GPHN: variants seen among roughly 807,000 people sequenced by gnomAD.
GPHN encodes the protein gephyrin.
A neutral mutation model predicts 95.5 loss-of-function variants in GPHN; 17 were observed. That is an observed-to-expected ratio of 0.18 (90% CI 0.12 to 0.27). GPHN has a LOEUF of 0.27. Ranked by LOEUF, GPHN falls within the 10% of genes least tolerant of loss-of-function variation. The pLI is 1.00. For synonymous variants in GPHN, 320 were observed against 322.5 expected (o/e 0.99, Z 0.08); for missense variants, 660 against 978.1 (o/e 0.67, Z 4.34).
chr14:67,047,450 C>G (rs1026775889), intron 10 of GPHN, among the ~76,000 whole-genome samples: 3 of 150,372 alleles, frequency 2.0e-5, no homozygotes, highest in Non-Finnish European at 4.4e-5. Flanking sequence ...ACTGCAACCT[C>G]TGCCTCCCGG....
At chr14:66,651,943 G>T (rs1243433731) in intron 1 of GPHN, among the ~76,000 whole-genome samples, 2 of 151,920 alleles carry the variant, frequency 1.3e-5, no homozygotes, top group African/African-American at 4.8e-5. Flanking sequence ...TGTAATAATA[G>T]AAATAAAGTA....
At chr14:66,628,625 T>G (rs1025107119) in intron 1 of GPHN, among the ~76,000 whole-genome samples, 6 of 152,280 alleles carry the variant, frequency 3.9e-5, no homozygotes, top group African/African-American at 1.2e-4. Context: ...AATGTATACT[T>G]AACTACACTA....
chr14:67,520,944 G>T, the GPHN span, among the ~76,000 whole-genome samples: 1 of 152,218 alleles, frequency 6.6e-6, no homozygotes, highest in African/African-American at 2.4e-5. Context: ...CAATGAATGG[G>T]AGTTCCTGTT....
chr14:67,457,556 G>C, the GPHN span, among the ~76,000 whole-genome samples: 1 of 152,186 alleles, frequency 6.6e-6, no homozygotes, highest in Non-Finnish European at 1.5e-5. Context: ...CAGTGAGCTA[G>C]GATGGCACCA....
chr14:66,806,409 G>T (rs1445530045), intron 3 of GPHN, among the ~76,000 whole-genome samples: 1 of 152,196 alleles, frequency 6.6e-6, no homozygotes, highest in African/African-American at 2.4e-5. Flanking sequence ...TGTTACTCAT[G>T]CAGATTTCTG....
At chr14:67,684,092 A>G in the GPHN span, among the ~76,000 whole-genome samples, 1 of 152,004 alleles carries the variant, frequency 6.6e-6, no homozygotes, top group African/African-American at 2.4e-5. Context: ...TCTCTCTCTC[A>G]CTAGGTTAAT....
At chr14:66,818,610 A>G (rs2061073711) in intron 3 of GPHN, among the ~76,000 whole-genome samples, 1 of 152,178 alleles carries the variant, frequency 6.6e-6, no homozygotes, top group Non-Finnish European at 1.5e-5. Context: ...TCAATTGGGT[A>G]TATACTCAGT....
intron 4 of GPHN, among the ~76,000 whole-genome samples, chr14:66,837,195 A>G (rs1317596763): frequency 6.6e-6 from 1 of 151,590 alleles, no homozygotes; most frequent in Non-Finnish European, 1.5e-5. Flanking sequence ...GAACCAACCC[A>G]AATGTCCAAC....
the GPHN span, chr14:67,200,045 C>T: frequency 3.1e-5 from 29 of 932,468 alleles, no homozygotes; most frequent in East Asian, 7.2e-4. Flanking sequence ...CACCCAGGCT[C>T]TGGGGGACAG....
the GPHN span, among the ~76,000 whole-genome samples, chr14:67,670,212 C>T: frequency 6.6e-6 from 1 of 152,228 alleles, no homozygotes. Flanking sequence ...TGCCCTCCTT[C>T]TAAAAGAAAA....
At chr14:67,717,291 G>T in the GPHN span, among the ~76,000 whole-genome samples, 1 of 152,222 alleles carries the variant, frequency 6.6e-6, no homozygotes, top group African/African-American at 2.4e-5. Context: ...CTCAGTGGAG[G>T]TGTGTTTTTG....
intron 18 of GPHN, among the ~76,000 whole-genome samples, chr14:67,154,523 A>G (rs1381605343): frequency 1.3e-5 from 2 of 152,228 alleles, no homozygotes; most frequent in Admixed American, 1.3e-4. Flanking sequence ...TTCCTAATAC[A>G]TAATAGGCAC....
the GPHN span, among the ~76,000 whole-genome samples, chr14:67,665,962 G>C: frequency 6.6e-6 from 1 of 152,184 alleles, no homozygotes; most frequent in African/African-American, 2.4e-5. Context: ...TCCTGAGGGG[G>C]ATGTGTTCTT....
At position 66,526,276 on chromosome 14, in the gene GPHN, GTTGT is replaced by G. The variant is rs1382307531; in HGVS notation, c.64+17690_64+17693del. Among the ~76,000 whole-genome samples the G allele has an allele frequency of 3.3e-5, 5 of 151,622 alleles. 1 individual carries two copies. The South Asian group carries it at 1.0e-3, about 32-fold the overall frequency. On this transcript the variant is annotated intron_variant, in intron 1 of 22. Coordinates refer to ENST00000478722, the MANE Select transcript of GPHN (RefSeq NM_020806.5). ...TGAATGGGAGTTCACTCATGATTTG[GTTGT>G]TTGTCTGTTAATGGTGTATAGGAAT...
chr14:67,716,067 G>A, the GPHN span, among the ~76,000 whole-genome samples: 3 of 152,022 alleles, frequency 2.0e-5, no homozygotes, highest in Admixed American at 1.3e-4. Flanking sequence ...GGTGGTAGCC[G>A]GTGCCTGTAG....
intron 1 of GPHN, among the ~76,000 whole-genome samples, chr14:66,647,373 A>G (rs2064810315): frequency 6.6e-6 from 1 of 151,498 alleles, no homozygotes; most frequent in Non-Finnish European, 1.5e-5. Context: ...TGATTCTCAC[A>G]GTTAGGTGTG....
intron 9 of GPHN, among the ~76,000 whole-genome samples, chr14:66,994,154 T>C (rs770337109): frequency 1.0e-3 from 156 of 152,146 alleles, no homozygotes; most frequent in South Asian, 3.9e-3. Context: ...TCACCTGAGG[T>C]CAGGAGTTCA....
chr14:66,925,310 A>G (rs573545854), intron 8 of GPHN, among the ~76,000 whole-genome samples: 5 of 152,274 alleles, frequency 3.3e-5, no homozygotes, highest in African/African-American at 9.6e-5. Flanking sequence ...TTATTCTAAA[A>G]TGTACAACAA....
chr14:66,630,931 TA>T (rs1414692821), intron 1 of GPHN, among the ~76,000 whole-genome samples: 1 of 152,218 alleles, frequency 6.6e-6, no homozygotes, highest in Non-Finnish European at 1.5e-5. Flanking sequence ...TCTTACATTT[TA>T]TGGAGTGTTT....
Sources: gnomAD v4.1 joint callset for allele counts (sites outside exome capture counted in the v4.1 genomes callset) on GRCh38, gnomAD v4.1.1 for gene constraint, MANE v1.5 for transcripts, NCBI Gene and HGNC (gene_info 2026-07-23, HGNC 2026-07-21) for gene names.